NCOR2: variants seen among roughly 807,000 people sequenced by gnomAD.
NCOR2 encodes the protein CTG repeat protein 26.
A neutral mutation model predicts 262.9 loss-of-function variants in NCOR2; 81 were observed. The observed-to-expected ratio is 0.31, with a 90% CI of 0.26 to 0.37. The LOEUF (loss-of-function observed/expected upper bound fraction) is 0.37. Ranked by LOEUF, NCOR2 falls within the 10% of genes least tolerant of loss-of-function variation. The pLI, the probability that NCOR2 is intolerant of heterozygous loss-of-function variation, is 1.00. For synonymous variants in NCOR2, 1,659 were observed against 1,559.3 expected (o/e 1.06, Z -1.51); for missense variants, 3,385 against 3,621.4 (o/e 0.93, Z 1.68).
chr12:124,490,729 G>C (rs1314989653), intron 1 of NCOR2, among the ~76,000 whole-genome samples: 1 of 152,190 alleles, frequency 6.6e-6, no homozygotes, highest in Non-Finnish European at 1.5e-5. Context: ...GCAGTCTCCA[G>C]GGTCTGGGAG....
rs1160891020 is a variant in NCOR2 at position 124,501,054 on chromosome 12, G to GCA, written c.-117-5688_-117-5687dup. 1.2e-4 allele frequency among the ~76,000 whole-genome samples: 14 copies of GCA among 118,800 alleles called. No individual in the cohort carries two copies. In the East Asian group the frequency reaches 2.7e-3, roughly 23 times the overall value. The allele number at this position is 118,800 out of a possible 152,430, so 77.9% of individuals were successfully genotyped here. ...GAGCGCCCACGGCACGAGCGCGCGCGCACGCGCGCACACACACACACACAC... is the reference window on the plus strand; with the variant it reads ...GAGCGCCCACGGCACGAGCGCGCGCGCACACGCGCGCACACACACACACACAC... On this transcript the variant is annotated intron_variant, in intron 1 of 46. Coordinates refer to the NCOR2 transcript ENST00000404621.
exon 5 of NCOR2, chr12:124,466,255 G>A (rs1288872099): frequency 2.5e-6 from 4 of 1,608,572 alleles, no homozygotes; most frequent in Admixed American, 1.7e-5. Flanking sequence ...CTCAGGCTCG[G>A]GCGGCTTGGC....
intron 5 of NCOR2, among the ~76,000 whole-genome samples, chr12:124,462,011 C>T (rs1441317442): frequency 1.3e-5 from 2 of 152,206 alleles, no homozygotes; most frequent in African/African-American, 4.8e-5. Flanking sequence ...CATACACACA[C>T]CCAAGTGTGC....
rs1203714924 is a variant in NCOR2 at position 124,443,497 on chromosome 12, A to ATTTT, written c.816-5505_816-5502dup. On this transcript the variant is annotated intron_variant, in intron 7 of 46. Transcript: ENST00000405201. This position sits in a 1 kb window ranked among gnomAD's most constrained non-coding sequence, Gnocchi z 4.4. ...TTGGGCTGTGGTGCTTTATTTATTTATTTTTTATTTTTTATTTTTTTGAGA... is the reference window on the plus strand; with the variant it reads ...TTGGGCTGTGGTGCTTTATTTATTTATTTTTTTTTTATTTTTTATTTTTTTGAGA... Among the ~76,000 whole-genome samples, 6 of 143,632 alleles carry ATTTT rather than the reference A, an allele frequency of 4.2e-5. No individual in the cohort carries two copies. Among genetic ancestry groups the ATTTT allele is most frequent in the East Asian group, 4.3e-4 (2 of 4,614 alleles). 94.2% of individuals were successfully genotyped at this position (143,632 alleles called of 152,430 possible). A position where few individuals can be genotyped will look rare whatever the true frequency, so the allele number is the denominator to read the frequency against.
At chr12:124,415,338 G>C (rs1201970651) in intron 13 of NCOR2, among the ~76,000 whole-genome samples, 2 of 152,256 alleles carry the variant, frequency 1.3e-5, no homozygotes, top group Non-Finnish European at 2.9e-5. Context: ...CACAAATACA[G>C]CCACAGACAG....
chr12:124,529,179 C>CAAAAAAAAAA (rs148397454), intron 1 of NCOR2, among the ~76,000 whole-genome samples: 6 of 52,178 alleles, frequency 1.1e-4, no homozygotes, highest in East Asian at 5.6e-4. Context: ...AACTCCGACT[C>CAAAAAAAAAA]AAAAAAAAAA....
chr12:124,325,377 G>GCCGGGGC, exon 47 of NCOR2: 1 of 246,788 alleles, frequency 4.1e-6, no homozygotes, highest in Non-Finnish European at 6.6e-6. Context: ...ACCTGACACC[G>GCCGGGGC]CCCCCCCCCC....
intron 1 of NCOR2, among the ~76,000 whole-genome samples, chr12:124,544,277 C>A (rs1431389893): frequency 6.6e-6 from 1 of 152,218 alleles, no homozygotes; most frequent in East Asian, 1.9e-4. Context: ...CACAGATAGG[C>A]AGAGCAAGTA....
At chr12:124,411,202 A>G (rs898797773) in intron 13 of NCOR2, among the ~76,000 whole-genome samples, 3 of 152,060 alleles carry the variant, frequency 2.0e-5, no homozygotes, top group Non-Finnish European at 4.4e-5. Context: ...AAAGACACAG[A>G]GAAATAGAAA....
At chr12:124,344,250 T>C (rs892223613) in intron 32 of NCOR2, among the ~76,000 whole-genome samples, 6 of 152,190 alleles carry the variant, frequency 3.9e-5, no homozygotes, top group Non-Finnish European at 8.8e-5. Context: ...CCCAAGGCCA[T>C]AGCAAAATGT....
At chr12:124,335,938 C>T (rs60959640) in intron 38 of NCOR2, 25,560 of 368,614 alleles carry the variant, frequency 0.069, 1,662 homozygotes, top group African/African-American at 0.22. Context: ...GCGAGGCCAG[C>T]GTGAGATGGG....
chr12:124,507,156 T>C (rs529586470), intron 1 of NCOR2, among the ~76,000 whole-genome samples: 1 of 152,154 alleles, frequency 6.6e-6, no homozygotes, highest in African/African-American at 2.4e-5. Flanking sequence ...ACTGAATTCA[T>C]AGAGACAAAA....
At chr12:124,398,358 C>T (rs1177683042) in intron 15 of NCOR2, among the ~76,000 whole-genome samples, 177 bp from the exon 18 acceptor site, 1 of 152,262 alleles carries the variant, frequency 6.6e-6, no homozygotes, top group Non-Finnish European at 1.5e-5. Flanking sequence ...CCAGTACCCA[C>T]CGTGGCACCT....
In NCOR2 at chr12:124,457,027, C is replaced by A; in HGVS notation, c.762+79G>T. 8.8e-7 allele frequency: 1 copy of A among 1,131,712 alleles called. No individual in the cohort carries two copies. The allele number at this position is 1,131,712 out of a possible 1,614,324, so 70.1% of individuals were successfully genotyped here. The stretch of plus-strand genomic sequence containing the variant: ...GGTAATAGATGACTTCCTCCTCCGC[C>A]GCACCCTCCCGCCTCCCTGCCCACC... On this transcript the variant is annotated intron_variant, in intron 6 of 46. Transcript: ENST00000405201. This position sits in a 1 kb window ranked among gnomAD's most constrained non-coding sequence, Gnocchi z 4.0.
chr12:124,326,526 C>G (rs1454559275), intron 45 of NCOR2, among the ~76,000 whole-genome samples, 156 bp from the exon 48 acceptor site: 1 of 152,172 alleles, frequency 6.6e-6, no homozygotes, highest in East Asian at 1.9e-4. Context: ...CTGCCCGCCC[C>G]AGCTGGGAAG....
In NCOR2 at chr12:124,504,910, G is replaced by T. The variant is rs2048961834; in HGVS notation, c.-117-9542C>A. Among the ~76,000 whole-genome samples, 1 of 152,210 alleles carries T rather than the reference G, an allele frequency of 6.6e-6. No homozygotes were observed. The highest frequency in any genetic ancestry group is 2.4e-5 in the African/African-American group (1 of 41,448). On this transcript the variant is annotated intron_variant, in intron 1 of 46. Transcript: ENST00000404621. The surrounding 1 kb of genome is among the most constrained non-coding windows in gnomAD (Gnocchi z 4.5). The stretch of plus-strand genomic sequence containing the variant: ...GGAGTGACGGTTTAATGGGTTTGGG[G>T]TTTCCTTCTGGGAGGATGAAACTGT...
intron 8 of NCOR2, among the ~76,000 whole-genome samples, chr12:124,431,936 A>G (rs1414471897): frequency 1.3e-5 from 2 of 151,752 alleles, no homozygotes; most frequent in African/African-American, 2.4e-5. Context: ...AGACACACAG[A>G]TGGTCACACA....
chr12:124,502,625 G>C (rs1173263743), intron 1 of NCOR2, among the ~76,000 whole-genome samples: 1 of 152,136 alleles, frequency 6.6e-6, no homozygotes, highest in Non-Finnish European at 1.5e-5. Flanking sequence ...AGAGTGGGGT[G>C]AGCGAAGGCA....
intron 8 of NCOR2, among the ~76,000 whole-genome samples, chr12:124,436,360 G>A (rs2044337736): frequency 6.6e-6 from 1 of 152,112 alleles, no homozygotes; most frequent in Non-Finnish European, 1.5e-5. Flanking sequence ...AGAGGAGGTG[G>A]GGCAGGGGGC....
Sources: allele counts gnomAD v4.1 joint callset (sites outside exome capture counted in the v4.1 genomes callset), GRCh38; gene constraint gnomAD v4.1.1; non-coding constraint Gnocchi (gnomAD v3.1); transcripts MANE v1.5; gene names NCBI Gene and HGNC (gene_info 2026-07-23, HGNC 2026-07-21).